KMT2C: variants seen among roughly 807,000 people sequenced by gnomAD.
The protein encoded by KMT2C is lysine methyltransferase 2C, also known as histone-lysine N-methyltransferase 2C.
A neutral mutation model predicts 507.9 loss-of-function variants in KMT2C; 88 were observed. That is an observed-to-expected ratio of 0.17 (90% CI 0.15 to 0.21). The LOEUF (loss-of-function observed/expected upper bound fraction) is 0.21. Among genes scored for constraint, KMT2C ranks in the 10% least tolerant of loss-of-function variants. The pLI is 1.00. For missense variants in KMT2C, 4,954 were observed against 5,957.8 expected (o/e 0.83, Z 5.55); for synonymous variants, 2,049 against 2,080.8 (o/e 0.98, Z 0.42).
Position 152,154,555 on chromosome 7 carries a change from C to T in KMT2C, c.11961-110G>A, listed in dbSNP as rs2091902491. The T allele has an allele frequency of 4.7e-6, 4 of 847,802 alleles. No individual in the cohort carries two copies. In the South Asian group the frequency reaches 6.5e-5, roughly 14 times the overall value. 52.5% of individuals were successfully genotyped at this position (847,802 alleles called of 1,614,324 possible). A position where few individuals can be genotyped will look rare whatever the true frequency, so the allele number is the denominator to read the frequency against. On this transcript the variant is annotated intron_variant, in intron 46 of 58. Transcript: ENST00000262189. ...ACAGCTGTAAGGATACTCTGGGCAG[C>T]ACCTATACGATGAGCAGCAAATGAA...
rs770434741 is a variant in KMT2C, at chr7:152,182,138, G to A, written c.5722C>T (p.Pro1908Ser). The change falls in exon 36 of 59, where the codon CCT becomes TCT. Residue 1908 changes from proline to serine, a missense_variant. By Grantham distance (74) the Pro-to-Ser change is moderately conservative. Transcript: ENST00000262189. Reference protein sequence around the residue: ...YAKMVGTPRPPPVGHSFSRRN... With the variant: ...YAKMVGTPRPSPVGHSFSRRN... ...CTGGAAAAACTATGGCCCACAGGAG[G>A]TGGTCGAGGGGTACCAACCATTTTT... 8.1e-6 allele frequency: 13 copies of A among 1,614,208 alleles called. No individual in the cohort carries two copies. The South Asian group carries it at 1.2e-4, about 15-fold the overall frequency.
chr7:152,213,946 A>T (rs1176054129), intron 23 of KMT2C, among the ~76,000 whole-genome samples: 3 of 152,166 alleles, frequency 2.0e-5, no homozygotes, highest in Non-Finnish European at 4.4e-5. Flanking sequence ...AAGTCACACA[A>T]ATGGTCAAAT....
intron 14 of KMT2C, among the ~76,000 whole-genome samples, chr7:152,244,757 T>C (rs1403591356): frequency 1.3e-5 from 2 of 152,212 alleles, no homozygotes; most frequent in Non-Finnish European, 2.9e-5. Context: ...AATCTTATTC[T>C]ATTCACAGCC....
intron 15 of KMT2C, among the ~76,000 whole-genome samples, chr7:152,236,231 A>G: frequency 6.6e-6 from 1 of 152,274 alleles, no homozygotes; most frequent in Non-Finnish European, 1.5e-5. Context: ...GACGACAACA[A>G]CTATAGCCTG....
intron 2 of KMT2C, among the ~76,000 whole-genome samples, chr7:152,356,233 G>T (rs1026921736): frequency 2.6e-5 from 4 of 152,146 alleles, no homozygotes; most frequent in Admixed American, 2.0e-4. Flanking sequence ...ATGAGAAGGG[G>T]TGTTGGAAGT....
intron 2 of KMT2C, among the ~76,000 whole-genome samples, chr7:152,348,633 G>GAAAGAAAA (rs2097084328): frequency 8.5e-6 from 1 of 117,058 alleles, no homozygotes; most frequent in African/African-American, 3.1e-5. Flanking sequence ...AAGAAAGAAA[G>GAAAGAAAA]AAAGAAAAAA....
At position 152,148,520 on chromosome 7, in the gene KMT2C, A is replaced by T. The variant is rs751271299; in HGVS notation, c.13407T>A (p.Gly4469=). The change falls in exon 52 of 59, where the codon GGT becomes GGA. Residue 4469 remains glycine, a synonymous_variant. Transcript: ENST00000262189. This position sits in a 1 kb window ranked among gnomAD's most constrained non-coding sequence, Gnocchi z 7.1. The part of the protein sequence containing the change: ...QMKCVFCHKT[G]ATSGCHRFRC... The stretch of plus-strand genomic sequence containing the variant: ...GAAATCTGTGGCATCCACTAGTGGC[A>T]CCCGTCTTGTGACAGAAGACACATT... 1 of 1,614,248 alleles carries T rather than the reference A, an allele frequency of 6.2e-7. No homozygotes were observed. The highest frequency in any genetic ancestry group is 8.5e-7 in the Non-Finnish European group (1 of 1,180,048).
intron 30 of KMT2C, 41 bp downstream of exon 30, chr7:152,194,188 G>A (rs2093895868): frequency 6.4e-7 from 1 of 1,558,942 alleles, no homozygotes; most frequent in South Asian, 1.2e-5. Flanking sequence ...CTGGTATGGG[G>A]AACGCCATTT....
rs2090160493 is a variant in KMT2C, at chr7:152,138,656, G to A, written c.14643+140C>T. 8.5e-6 allele frequency: 5 copies of A among 590,988 alleles called. No homozygotes were observed. The highest frequency in any genetic ancestry group is 2.1e-5 in the South Asian group (1 of 47,948). 36.6% of individuals were successfully genotyped at this position (590,988 alleles called of 1,614,324 possible). A position where few individuals can be genotyped will look rare whatever the true frequency, so the allele number is the denominator to read the frequency against. On this transcript the variant is annotated intron_variant, in intron 58 of 58. Coordinates refer to ENST00000262189, the MANE Select transcript of KMT2C (RefSeq NM_170606.3). The surrounding 1 kb of genome is among the most constrained non-coding windows in gnomAD (Gnocchi z 4.2). ...CCTGAAGGGTGAGATACTGCAGGGTGGGAACATCTGGCCTATTATGGACAG... is the reference window on the plus strand; with the variant it reads ...CCTGAAGGGTGAGATACTGCAGGGTAGGAACATCTGGCCTATTATGGACAG...
At position 152,181,822 on chromosome 7, in the gene KMT2C, C is replaced by G. The variant is rs573962770; in HGVS notation, c.6038G>C (p.Arg2013Thr). Residue 2013 changes from arginine to threonine, a missense_variant, in exon 36 of 59, where the codon AGG becomes ACG. Physicochemically the swap from Arg to Thr is moderately conservative, Grantham distance 71 (BLOSUM62 -1). Around this residue, in one of 29 missense-constraint regions of KMT2C, gnomAD observed 1,689 missense variants for 1,654.3 expected, o/e 1.02. Transcript: ENST00000262189. ...TSDHFTKPSPRADVFQRQRIP... is the reference protein window; with the variant it reads ...TSDHFTKPSPTADVFQRQRIP... ...CCTTTGTCTTTGAAACACATCTGCC[C>G]TAGGAGATGGTTTAGTAAAGTGATC... The G allele has an allele frequency of 6.2e-7, 1 of 1,614,028 alleles. No homozygotes were observed. Among genetic ancestry groups the G allele is most frequent in the African/African-American group, 1.3e-5 (1 of 74,992 alleles).
chr7:152,153,071 C>T (rs777082337), intron 48 of KMT2C, 117 bp from the exon 49 acceptor site: 36 of 1,306,236 alleles, frequency 2.8e-5, no homozygotes, highest in Non-Finnish European at 3.7e-5. Flanking sequence ...TAAGAAAATC[C>T]AACAAATTTT....
chr7:152,203,974 G>A (rs1189006566), intron 25 of KMT2C, among the ~76,000 whole-genome samples: 1 of 152,124 alleles, frequency 6.6e-6, no homozygotes, highest in African/African-American at 2.4e-5. Context: ...CCAATTTTCA[G>A]AGCATTGCGA....
At chr7:152,334,594 C>A (rs1414889862) in intron 2 of KMT2C, among the ~76,000 whole-genome samples, 1 of 152,156 alleles carries the variant, frequency 6.6e-6, no homozygotes, top group Non-Finnish European at 1.5e-5. Flanking sequence ...ATGGCAAGTT[C>A]TCACCGAGAG....
chr7:152,208,953 G>T (rs2094383042), intron 23 of KMT2C, among the ~76,000 whole-genome samples: 1 of 148,128 alleles, frequency 6.8e-6, no homozygotes, highest in South Asian at 2.1e-4. Context: ...ATCACTTGAG[G>T]TCAGGAGTTC....
intron 15 of KMT2C, among the ~76,000 whole-genome samples, chr7:152,237,802 GTTTGT>G (rs1306825640): frequency 8.5e-5 from 13 of 152,106 alleles, no homozygotes; most frequent in Admixed American, 1.3e-4. Context: ...GCCCGGCCGA[GTTTGT>G]TTTGTTTTTA....
Position 152,177,551 on chromosome 7 carries a change from C to T in KMT2C, c.7902G>A (p.Glu2634=), listed in dbSNP as rs1275130520. 6.2e-7 allele frequency: 1 copy of T among 1,614,170 alleles called. No homozygotes were observed. The highest frequency in any genetic ancestry group is 1.7e-5 in the Admixed American group (1 of 60,024). Residue 2634 remains glutamate (E), a synonymous_variant, in exon 38 of 59, where the codon GAG becomes GAA. Coordinates refer to ENST00000262189, the MANE Select transcript of KMT2C (RefSeq NM_170606.3). ...AAGATGAATGGACAGAATGACCTTGCTCTTGTTGAGATGGTGGCACTTGTT... is the reference window on the plus strand; with the variant it reads ...AAGATGAATGGACAGAATGACCTTGTTCTTGTTGAGATGGTGGCACTTGTT... The part of the protein sequence containing the change: ...DLEQVPPSQQ[E]QGHSVHSSSM...
At chr7:152,297,600 G>A (rs1045280155) in intron 6 of KMT2C, among the ~76,000 whole-genome samples, 3 of 152,196 alleles carry the variant, frequency 2.0e-5, no homozygotes, top group Non-Finnish European at 4.4e-5. Context: ...AGAAAGTCTT[G>A]CCTCAGTGGT....
rs1308523366 is a variant in KMT2C at position 152,171,314 on chromosome 7, C to T, written c.9403G>A (p.Gly3135Arg). 8 of 1,607,744 alleles carry T rather than the reference C, an allele frequency of 5.0e-6. No individual in the cohort carries two copies. In the African/African-American group the frequency reaches 6.7e-5, roughly 13 times the overall value. The change falls in exon 40 of 59, where the codon GGA becomes AGA. Residue 3135 changes from glycine to arginine, a missense_variant. Transcript: ENST00000262189. ...RFPFMGQVVTGTQNSEGQNLG... is the reference protein window; with the variant it reads ...RFPFMGQVVTRTQNSEGQNLG... The stretch of plus-strand genomic sequence containing the variant: ...TTCTGTCCTTCACTGTTCTGTGTTC[C>T]AGTTACCACCTGGCCCATAAAAGGG...
In KMT2C at chr7:152,178,015, T is replaced by TTATA. The variant is rs1491309235; in HGVS notation, c.7443-6_7443-5insTATA. ...CTACCTCCTGGAAATCCAAATCTTT[T>TTATA]AAAAAAAAAAAAAAAAAAAAAAAAA... On this transcript the variant is annotated splice_polypyrimidine_tract_variant and splice_region_variant and intron_variant, in intron 37 of 58. Transcript: ENST00000262189. The TTATA allele has an allele frequency of 1.3e-6, 1 of 777,676 alleles. No homozygotes were observed. The highest frequency in any genetic ancestry group is 3.2e-5 in the African/African-American group (1 of 30,860). 48.2% of individuals were successfully genotyped at this position (777,676 alleles called of 1,614,324 possible). A position where few individuals can be genotyped will look rare whatever the true frequency, so the allele number is the denominator to read the frequency against.
Sources: allele counts gnomAD v4.1 joint callset (sites outside exome capture counted in the v4.1 genomes callset), GRCh38; gene constraint gnomAD v4.1.1; regional missense constraint gnomAD v4.1.1; non-coding constraint Gnocchi (gnomAD v3.1); transcripts MANE v1.5; gene names NCBI Gene and HGNC (gene_info 2026-07-23, HGNC 2026-07-21).